SLX4IP: variants seen among roughly 807,000 people sequenced by gnomAD.
SLX4IP encodes protein SLX4IP.
In SLX4IP, 34 loss-of-function variants were observed where a neutral mutation model predicts 32.9. That is an observed-to-expected ratio of 1.03 (90% CI 0.79 to 1.38). The LOEUF (loss-of-function observed/expected upper bound fraction) is 1.38, where lower values mean the gene tolerates loss of function less well. Among genes scored for constraint, SLX4IP ranks in the 40% most tolerant of loss-of-function variants. The pLI, the probability that SLX4IP is intolerant of heterozygous loss-of-function variation, is 0.00. For synonymous variants in SLX4IP, 172 were observed against 171.7 expected (o/e 1.00, Z -0.01); for missense variants, 444 against 479.0 (o/e 0.93, Z 0.68).
At chr20:10,579,029 A>T (rs375086778) in intron 4 of SLX4IP, among the ~76,000 whole-genome samples, 6 of 150,644 alleles carry the variant, frequency 4.0e-5, no homozygotes, top group African/African-American at 1.5e-4. Flanking sequence ...TTTTCTTTTC[A>T]TTTTCTTGAT....
At chr20:10,560,506 T>C (rs899819143) in intron 3 of SLX4IP, among the ~76,000 whole-genome samples, 194 bp from the exon 4 acceptor site, 2 of 152,250 alleles carry the variant, frequency 1.3e-5, no homozygotes, top group East Asian at 1.9e-4. Context: ...GCCAACATCA[T>C]GGTTTCGAGC....
intron 2 of SLX4IP, among the ~76,000 whole-genome samples, chr20:10,539,164 C>T (rs1490309985): frequency 6.6e-6 from 1 of 151,910 alleles, no homozygotes; most frequent in Non-Finnish European, 1.5e-5. Flanking sequence ...AGGAAGGGTA[C>T]AGGCAGGCAG....
chr20:10,572,270 G>C (rs113421313), intron 4 of SLX4IP, among the ~76,000 whole-genome samples: 1 of 152,160 alleles, frequency 6.6e-6, no homozygotes, highest in Non-Finnish European at 1.5e-5. Flanking sequence ...GTCTGACACC[G>C]GGTTTGTCCT....
At position 10,486,721 on chromosome 20, in the gene SLX4IP, C is replaced by G. The variant is rs572228324; in HGVS notation, c.27+28490C>G. Among the ~76,000 whole-genome samples, 4 of 152,226 alleles carry G rather than the reference C, an allele frequency of 2.6e-5. No individual in the cohort carries two copies. In the South Asian group the frequency reaches 8.3e-4, roughly 32 times the overall value. Reference sequence around the variant, plus strand: ...TGCAGAGTATATAGCCAGGATAGCCCAATGTCCCTGTTTACAAAATTTTAA... The same window carrying G: ...TGCAGAGTATATAGCCAGGATAGCCGAATGTCCCTGTTTACAAAATTTTAA... On this transcript the variant is annotated intron_variant, in intron 2 of 7. Transcript: ENST00000334534.
At position 10,479,352 on chromosome 20, in the gene SLX4IP, C is replaced by CTT. The variant is rs764474218; in HGVS notation, c.27+21138_27+21139dup. Among the ~76,000 whole-genome samples the CTT allele has an allele frequency of 2.9e-3, 212 of 73,718 alleles. 1 individual carries two copies. Among genetic ancestry groups the CTT allele is most frequent in the Middle Eastern group, 0.02 (2 of 98 alleles). The allele number at this position is 73,718 out of a possible 152,430, so 48.4% of individuals were successfully genotyped here. On this transcript the variant is annotated intron_variant, in intron 2 of 7. Coordinates refer to ENST00000334534, the MANE Select transcript of SLX4IP (RefSeq NM_001009608.3). ...TTCTCATCGCTCAAATTCCATATTTCTTTTTTTTTTTTTTTTTTGAGATGG... is the reference window on the plus strand; with the variant it reads ...TTCTCATCGCTCAAATTCCATATTTCTTTTTTTTTTTTTTTTTTTTGAGATGG...
Position 10,444,142 on chromosome 20 carries a change from G to A in SLX4IP, c.-30+8689G>A, listed in dbSNP as rs552540776. 6.6e-5 allele frequency among the ~76,000 whole-genome samples: 10 copies of A among 152,314 alleles called. No homozygotes were observed. In the South Asian group the frequency reaches 2.1e-3, roughly 32 times the overall value. ...GGACTTATGCTCAGATACCTCTAAT[G>A]TTGGGTTTGGGGATGGGGAAGTACA... is the stretch of plus-strand genomic sequence containing the variant. On this transcript the variant is annotated intron_variant, in intron 1 of 7. Coordinates refer to ENST00000334534, the MANE Select transcript of SLX4IP (RefSeq NM_001009608.3).
chr20:10,537,121 C>T (rs1187407812), intron 2 of SLX4IP, among the ~76,000 whole-genome samples: 2 of 152,098 alleles, frequency 1.3e-5, no homozygotes, highest in African/African-American at 4.8e-5. Context: ...AGCATTTTAG[C>T]ATTTCTTGGT....
intron 1 of SLX4IP, among the ~76,000 whole-genome samples, chr20:10,437,442 A>G (rs1387623661): frequency 1.3e-5 from 2 of 152,368 alleles, no homozygotes; most frequent in South Asian, 2.1e-4. Flanking sequence ...AGTAAGGAGT[A>G]TGAGAAAACA....
intron 2 of SLX4IP, among the ~76,000 whole-genome samples, chr20:10,525,968 C>T (rs649750): frequency 0.57 from 87,190 of 151,970 alleles, 25,632 homozygotes; most frequent in South Asian, 0.72. Context: ...GCCTTGCTGC[C>T]GGCATTCTTG....
At chr20:10,559,853 A>AGT (rs2066311179) in intron 3 of SLX4IP, among the ~76,000 whole-genome samples, 1 of 152,216 alleles carries the variant, frequency 6.6e-6, no homozygotes, top group African/African-American at 2.4e-5. Flanking sequence ...TTAGTACATG[A>AGT]GTGTAGTACG....
At chr20:10,538,767 T>C (rs532803139) in intron 2 of SLX4IP, among the ~76,000 whole-genome samples, 2 of 152,302 alleles carry the variant, frequency 1.3e-5, no homozygotes, top group Admixed American at 1.3e-4. Flanking sequence ...CCTCAAGTGA[T>C]CCACCTGCCA....
chr20:10,472,560 T>A (rs1416530461), intron 2 of SLX4IP, among the ~76,000 whole-genome samples: 1 of 152,078 alleles, frequency 6.6e-6, no homozygotes, highest in Non-Finnish European at 1.5e-5. Context: ...ATTTAAGGGA[T>A]TTTTGTGTGC....
At chr20:10,555,163 T>A (rs2066254330) in intron 2 of SLX4IP, among the ~76,000 whole-genome samples, 1 of 151,954 alleles carries the variant, frequency 6.6e-6, no homozygotes, top group African/African-American at 2.4e-5. Context: ...TTGAAACTAC[T>A]TTCCTTTCAC....
chr20:10,449,233 T>G (rs1460780080), intron 1 of SLX4IP, among the ~76,000 whole-genome samples: 1 of 152,242 alleles, frequency 6.6e-6, no homozygotes, highest in Non-Finnish European at 1.5e-5. Flanking sequence ...GGGCTTTATC[T>G]TGGTAGAATT....
intron 2 of SLX4IP, among the ~76,000 whole-genome samples, chr20:10,471,861 T>C (rs2065427420): frequency 6.6e-6 from 1 of 152,232 alleles, no homozygotes. Flanking sequence ...ATACCCTCTC[T>C]CTTCACAAGG....
chr20:10,468,917 CA>C (rs1390563393), intron 2 of SLX4IP, among the ~76,000 whole-genome samples: 1 of 152,150 alleles, frequency 6.6e-6, no homozygotes, highest in African/African-American at 2.4e-5. Context: ...CATATCTGCA[CA>C]GACCTTGAAT....
At chr20:10,590,085 A>G (rs1003252300) in intron 4 of SLX4IP, among the ~76,000 whole-genome samples, 1 of 152,188 alleles carries the variant, frequency 6.6e-6, no homozygotes, top group Non-Finnish European at 1.5e-5. Flanking sequence ...CTGGTACACA[A>G]TAGGCACTCG....
At position 10,554,363 on chromosome 20, in the gene SLX4IP, C is replaced by T. The variant is rs543455058; in HGVS notation, c.28-1868C>T. Among the ~76,000 whole-genome samples, 4 of 152,286 alleles carry T rather than the reference C, an allele frequency of 2.6e-5. No homozygotes were observed. The South Asian group carries it at 6.2e-4, about 24-fold the overall frequency. ...GTTGTAGACTTTTGGGTTGTCTTCA[C>T]GTTGGGTTATTATAAATAAAACTTC... On this transcript the variant is annotated intron_variant, in intron 2 of 7. Coordinates refer to ENST00000334534, the MANE Select transcript of SLX4IP (RefSeq NM_001009608.3).
rs1467125230 is a variant in SLX4IP, at chr20:10,626,547, C to A, written c.*3168C>A. 1 of 152,198 alleles carries A rather than the reference C, an allele frequency of 6.6e-6. No homozygotes were observed. The highest frequency in any genetic ancestry group is 1.5e-5 in the Non-Finnish European group (1 of 68,036). The allele number at this position is 152,198 out of a possible 1,614,324, so 9.4% of individuals were successfully genotyped here. A position where few individuals can be genotyped will look rare whatever the true frequency, so the allele number is the denominator to read the frequency against. ...CCTAACTTTCTCAGCGGCATAGATTCTAAGCCACTTCCATGTGCTTTCAGA... is the reference window on the plus strand; with the variant it reads ...CCTAACTTTCTCAGCGGCATAGATTATAAGCCACTTCCATGTGCTTTCAGA... On this transcript the variant is annotated 3_prime_UTR_variant, in exon 8 of 8. Coordinates refer to ENST00000334534, the MANE Select transcript of SLX4IP (RefSeq NM_001009608.3).
Sources: allele counts gnomAD v4.1 joint callset (sites outside exome capture counted in the v4.1 genomes callset), GRCh38; gene constraint gnomAD v4.1.1; transcripts MANE v1.5; gene names NCBI Gene and HGNC (gene_info 2026-07-23, HGNC 2026-07-21).